The following STOX2 variants were observed in gnomAD, a reference collection of about 807,000 sequenced individuals.
The protein encoded by STOX2 is storkhead box 2.
In STOX2, 28 loss-of-function variants were observed where a neutral mutation model predicts 60.9. The ratio of observed to expected loss-of-function variants is 0.46; its 90% confidence interval spans 0.34 to 0.63. The LOEUF is 0.63. STOX2 is among the 30% of genes least tolerant of loss of function. STOX2 has a pLI of 0.01. For missense variants in STOX2, 1,024 were observed against 1,187.7 expected (o/e 0.86, Z 2.03); for synonymous variants, 472 against 463.9 (o/e 1.02, Z -0.22).
At chr4:183,837,678 C>T (rs533617603) in intron 1 of STOX2, among the ~76,000 whole-genome samples, 31 of 152,190 alleles carry the variant, frequency 2.0e-4, no homozygotes, top group African/African-American at 5.8e-4. Flanking sequence ...AGGCTGGTCT[C>T]GAACTCCTGG....
At chr4:183,930,156 A>G (rs1370150393) in intron 1 of STOX2, among the ~76,000 whole-genome samples, 2 of 125,962 alleles carry the variant, frequency 1.6e-5, no homozygotes, top group Admixed American at 9.0e-5. Context: ...GAGCCACTGC[A>G]CCAGGCCAAC....
At chr4:183,841,714 A>G (rs981508142) in intron 1 of STOX2, among the ~76,000 whole-genome samples, 1 of 152,248 alleles carries the variant, frequency 6.6e-6, no homozygotes, top group African/African-American at 2.4e-5. Flanking sequence ...TTATTAAGGC[A>G]TTCCAAAATA....
chr4:183,819,232 C>G (rs1048684038), intron 1 of STOX2, among the ~76,000 whole-genome samples: 1 of 152,022 alleles, frequency 6.6e-6, no homozygotes, highest in Non-Finnish European at 1.5e-5. Flanking sequence ...GAGATCACGC[C>G]GCTGCACTCC....
intron 1 of STOX2, among the ~76,000 whole-genome samples, chr4:183,962,114 T>C (rs757953320): frequency 6.6e-6 from 1 of 152,266 alleles, no homozygotes; most frequent in Non-Finnish European, 1.5e-5. Context: ...ATTTCAAACA[T>C]GCTTTTCTAA....
chr4:183,989,019 A>C (rs965230214), intron 1 of STOX2, among the ~76,000 whole-genome samples: 4 of 152,218 alleles, frequency 2.6e-5, no homozygotes, highest in Non-Finnish European at 5.9e-5. Context: ...AGGTCATCCC[A>C]GAGCTGCTCA....
At chr4:183,979,442 A>G (rs1456087748) in intron 1 of STOX2, among the ~76,000 whole-genome samples, 1 of 152,180 alleles carries the variant, frequency 6.6e-6, no homozygotes, top group Non-Finnish European at 1.5e-5. Context: ...GATCCAAACC[A>G]TATCACTGAT....
chr4:183,978,236 T>A (rs1364176654), intron 1 of STOX2, among the ~76,000 whole-genome samples: 1 of 152,198 alleles, frequency 6.6e-6, no homozygotes, highest in African/African-American at 2.4e-5. Context: ...TTTCAGGTCT[T>A]ACATTTAAAT....
In STOX2 at chr4:183,806,502, T is replaced by A. The variant is rs1338145926; in HGVS notation, c.364+8447T>A. The stretch of plus-strand genomic sequence containing the variant: ...CCTGCCGCCTGAGGTTGCTGCAGCC[T>A]TCTGTCTTCACTGTGAACCCCGGGA... On this transcript the variant is annotated intron_variant, in intron 1 of 2. Transcript: ENST00000513034. This position sits in a 1 kb window ranked among gnomAD's most constrained non-coding sequence, Gnocchi z 4.1. Among the ~76,000 whole-genome samples the A allele has an allele frequency of 1.3e-5, 2 of 152,092 alleles. No homozygotes were observed. The highest frequency in any genetic ancestry group is 4.8e-5 in the African/African-American group (2 of 41,418).
chr4:183,813,520 G>A (rs916896066), intron 1 of STOX2, among the ~76,000 whole-genome samples: 10 of 152,200 alleles, frequency 6.6e-5, no homozygotes, highest in African/African-American at 1.7e-4. Flanking sequence ...GCCATTTGAT[G>A]TCAGGGACTT....
At chr4:183,930,189 A>G (rs1486101207) in intron 1 of STOX2, among the ~76,000 whole-genome samples, 1 of 135,948 alleles carries the variant, frequency 7.4e-6, no homozygotes, top group African/African-American at 2.7e-5. Flanking sequence ...TTTTTAAGAC[A>G]GGGTCTTACC....
chr4:183,966,807 C>G (rs1743582876), intron 1 of STOX2, among the ~76,000 whole-genome samples: 1 of 152,148 alleles, frequency 6.6e-6, no homozygotes, highest in Admixed American at 6.5e-5. Flanking sequence ...GAAAAGTGTT[C>G]TTTACTTTGT....
chr4:183,815,729 C>T (rs1385209346), intron 1 of STOX2, among the ~76,000 whole-genome samples: 1 of 152,192 alleles, frequency 6.6e-6, no homozygotes, highest in Non-Finnish European at 1.5e-5. Flanking sequence ...TTGTGGTCCT[C>T]AGCATGGGTA....
At chr4:183,980,235 G>A (rs766902390) in intron 1 of STOX2, among the ~76,000 whole-genome samples, 23 of 152,190 alleles carry the variant, frequency 1.5e-4, no homozygotes, top group Admixed American at 1.4e-3. Context: ...CTGAGGATGA[G>A]GCTAATGTAC....
chr4:183,932,493 T>A lies in STOX2; in HGVS notation c.166+25537T>A, dbSNP rs1338692830. Reference sequence around the variant, plus strand: ...TGTATGTATACATACAGTATATGTATGTATCAGTATACACATTAATGGTGT... The same window carrying A: ...TGTATGTATACATACAGTATATGTAAGTATCAGTATACACATTAATGGTGT... On this transcript the variant is annotated intron_variant, in intron 1 of 3. Transcript: ENST00000308497. 2.2e-5 allele frequency among the ~76,000 whole-genome samples: 3 copies of A among 135,778 alleles called. No individual in the cohort carries two copies. The Admixed American group carries it at 2.2e-4, about 10-fold the overall frequency. 89.1% of individuals were successfully genotyped at this position (135,778 alleles called of 152,430 possible).
Position 183,806,779 on chromosome 4 carries a change from C to T in STOX2, c.364+8724C>T, listed in dbSNP as rs1288567769. ...TCTACTTCTAAATAAGGTCCGCCGCCGTCCAAATTTTGAGGAAACAAACAT... is the reference window on the plus strand; with the variant it reads ...TCTACTTCTAAATAAGGTCCGCCGCTGTCCAAATTTTGAGGAAACAAACAT... On this transcript the variant is annotated intron_variant, in intron 1 of 2. Transcript: ENST00000513034. The surrounding 1 kb of genome is among the most constrained non-coding windows in gnomAD (Gnocchi z 4.1). Among the ~76,000 whole-genome samples, 2 of 152,180 alleles carry T rather than the reference C, an allele frequency of 1.3e-5. No homozygotes were observed. Among genetic ancestry groups the T allele is most frequent in the African/African-American group, 4.8e-5 (2 of 41,426 alleles).
intron 1 of STOX2, among the ~76,000 whole-genome samples, chr4:183,997,437 C>T (rs1370236731): frequency 3.9e-5 from 6 of 152,160 alleles, no homozygotes; most frequent in South Asian, 4.1e-4. Flanking sequence ...TGTAGGCCTA[C>T]CAAGGAGTTC....
chr4:183,893,089 G>A (rs1170059320), intron 1 of STOX2, among the ~76,000 whole-genome samples: 1 of 149,516 alleles, frequency 6.7e-6, no homozygotes, highest in Non-Finnish European at 1.5e-5. Flanking sequence ...GTGTCCCACC[G>A]TATCTCTGGG....
chr4:183,923,091 G>T (rs576606357), intron 1 of STOX2, among the ~76,000 whole-genome samples: 155 of 152,290 alleles, frequency 1.0e-3, no homozygotes, highest in Non-Finnish European at 2.0e-3. Context: ...GTGCACACAG[G>T]TGTACAAAGA....
In STOX2 at chr4:183,865,877, A is replaced by G. The variant is rs767421215; in HGVS notation, c.364+67822A>G. On this transcript the variant is annotated intron_variant, in intron 1 of 2. Transcript: ENST00000513034. This position sits in a 1 kb window ranked among gnomAD's most constrained non-coding sequence, Gnocchi z 4.1. ...AAGGCTTTTTTCTTTTTAACCACTT[A>G]GGCATTGTGAGTCCATTAAAACAAC... Among the ~76,000 whole-genome samples the G allele has an allele frequency of 1.1e-4, 17 of 152,296 alleles. No homozygotes were observed. Among genetic ancestry groups the G allele is most frequent in the Non-Finnish European group, 2.2e-4 (15 of 68,012 alleles).
Sources: gnomAD v4.1 joint callset for allele counts (sites outside exome capture counted in the v4.1 genomes callset) on GRCh38, gnomAD v4.1.1 for gene constraint, Gnocchi (gnomAD v3.1) non-coding constraint, MANE v1.5 for transcripts, NCBI Gene and HGNC (gene_info 2026-07-23, HGNC 2026-07-21) for gene names.